Variants in FCHO2 observed in about 807,000 individuals in gnomAD.
FCHO2 encodes FCH and mu domain containing endocytic adaptor 2.
A neutral mutation model predicts 114.1 loss-of-function variants in FCHO2; 43 were observed. The observed-to-expected ratio is 0.38, with a 90% CI of 0.30 to 0.49. The LOEUF (loss-of-function observed/expected upper bound fraction) is 0.49. Among genes scored for constraint, FCHO2 ranks in the 20% least tolerant of loss-of-function variants. The pLI is 0.97. For missense variants in FCHO2, 807 were observed against 950.4 expected (o/e 0.85, Z 1.98); for synonymous variants, 293 against 315.2 (o/e 0.93, Z 0.75).
intron 2 of FCHO2, among the ~76,000 whole-genome samples, chr5:72,980,056 C>A (rs1753116235): frequency 6.6e-6 from 1 of 152,170 alleles, no homozygotes; most frequent in Non-Finnish European, 1.5e-5. Flanking sequence ...AATTTTAGAT[C>A]TTTCCTGCTT....
intron 8 of FCHO2, among the ~76,000 whole-genome samples, chr5:73,033,936 A>G (rs1468636479): frequency 6.6e-6 from 1 of 152,168 alleles, no homozygotes; most frequent in African/African-American, 2.4e-5. Flanking sequence ...CTCTTCTACA[A>G]TCTATCTCTC....
chr5:73,025,265 A>G lies in FCHO2; in HGVS notation c.796+7957A>G, dbSNP rs140046261. Among the ~76,000 whole-genome samples the G allele has an allele frequency of 3.7e-3, 546 of 149,126 alleles. 5 individuals are homozygous for G. The highest frequency in any genetic ancestry group is 0.013 in the African/African-American group (527 of 40,446). ...CACTTGTTGCCCAGGCTGGAGTGCA[A>G]TGGCACAATCTCAGCTCACTGCAGT... On this transcript the variant is annotated intron_variant, in intron 8 of 25. Coordinates refer to ENST00000430046, the MANE Select transcript of FCHO2 (RefSeq NM_138782.3).
intron 3 of FCHO2, 146 bp downstream of exon 3, chr5:72,989,647 C>G: frequency 1.7e-6 from 1 of 573,322 alleles, no homozygotes; most frequent in Non-Finnish European, 3.0e-6. Flanking sequence ...ATATTCTTCA[C>G]TTGATAGAAA....
At chr5:73,056,708 A>G (rs778481702) in intron 16 of FCHO2, among the ~76,000 whole-genome samples, 22 of 152,192 alleles carry the variant, frequency 1.4e-4, no homozygotes, top group Non-Finnish European at 2.6e-4. Context: ...CTAAATTCAT[A>G]CATATCTGTA....
Position 73,063,917 on chromosome 5 carries a change from A to T in FCHO2, c.1422A>T (p.Ser474=). 6.2e-7 allele frequency: 1 copy of T among 1,611,230 alleles called. No homozygotes were observed. Among genetic ancestry groups the T allele is most frequent in the Non-Finnish European group, 8.5e-7 (1 of 1,178,518 alleles). Reference sequence around the variant, plus strand: ...CTGCTTCCAGACCAAAGCTTACTTCAGGCAAACTCAGTGGGATTAATGAAA... The same window carrying T: ...CTGCTTCCAGACCAAAGCTTACTTCTGGCAAACTCAGTGGGATTAATGAAA... ...PRPASRPKLT[S]GKLSGINEIP... is the part of the protein sequence containing the mutation. Residue 474 remains serine, a synonymous_variant, in exon 18 of 26, where the codon TCA becomes TCT. Coordinates refer to ENST00000430046, the MANE Select transcript of FCHO2 (RefSeq NM_138782.3).
chr5:73,058,596 T>C lies in FCHO2; in HGVS notation c.1345+72T>C. Reference sequence around the variant, plus strand: ...TTAGTTGCTTTTTCTCATTCACTTTTTGTGCATTGTACTTAATGATCAAAA... The same window carrying C: ...TTAGTTGCTTTTTCTCATTCACTTTCTGTGCATTGTACTTAATGATCAAAA... On this transcript the variant is annotated intron_variant, in intron 17 of 25. Coordinates refer to ENST00000430046, the MANE Select transcript of FCHO2 (RefSeq NM_138782.3). 4.6e-6 allele frequency: 3 copies of C among 649,534 alleles called. No homozygotes were observed. The East Asian group carries it at 9.6e-5, about 21-fold the overall frequency. The allele number at this position is 649,534 out of a possible 1,614,324, so 40.2% of individuals were successfully genotyped here. A position where few individuals can be genotyped will look rare whatever the true frequency, so the allele number is the denominator to read the frequency against.
chr5:72,973,681 G>T (rs1190061377), intron 2 of FCHO2, among the ~76,000 whole-genome samples: 1 of 149,536 alleles, frequency 6.7e-6, no homozygotes, highest in African/African-American at 2.4e-5. Flanking sequence ...TTTTTGAAGG[G>T]TTTTTTGTGT....
intron 20 of FCHO2, among the ~76,000 whole-genome samples, chr5:73,076,087 A>G (rs1397553658): frequency 6.6e-6 from 1 of 152,176 alleles, no homozygotes; most frequent in Non-Finnish European, 1.5e-5. Context: ...GCAAGCAGCA[A>G]GAGAGGTGAG....
intron 15 of FCHO2, among the ~76,000 whole-genome samples, chr5:73,055,440 C>T (rs1757546826): frequency 6.6e-6 from 1 of 152,108 alleles, no homozygotes; most frequent in African/African-American, 2.4e-5. Flanking sequence ...CTTGGTGATG[C>T]AAAGAAAACA....
At chr5:73,053,402 T>C (rs1757422779) in intron 13 of FCHO2, among the ~76,000 whole-genome samples, 1 of 152,030 alleles carries the variant, frequency 6.6e-6, no homozygotes, top group East Asian at 1.9e-4. Context: ...GCTTAAAAGT[T>C]GGTGAATATA....
chr5:73,085,068 A>G (rs902162951), intron 24 of FCHO2, among the ~76,000 whole-genome samples: 2 of 152,254 alleles, frequency 1.3e-5, no homozygotes, highest in Non-Finnish European at 2.9e-5. Context: ...AATAAGACAC[A>G]GGCTGGGTGC....
chr5:72,982,829 T>C (rs1308224447), intron 2 of FCHO2, among the ~76,000 whole-genome samples: 2 of 14,344 alleles, frequency 1.4e-4, no homozygotes, highest in East Asian at 8.0e-3. Context: ...TGGATTCATT[T>C]TTTTTTTTTT....
chr5:73,071,593 CT>C (rs1742656847), intron 19 of FCHO2, among the ~76,000 whole-genome samples: 1 of 152,024 alleles, frequency 6.6e-6, no homozygotes, highest in South Asian at 2.1e-4. Context: ...AAACCACAAT[CT>C]ACCCTTATTA....
At chr5:73,075,938 G>A (rs1742888977) in intron 20 of FCHO2, among the ~76,000 whole-genome samples, 1 of 152,136 alleles carries the variant, frequency 6.6e-6, no homozygotes, top group South Asian at 2.1e-4. Context: ...ACTTGGTAGT[G>A]TAATTAGTTT....
chr5:73,022,124 G>C (rs754985549), intron 8 of FCHO2, among the ~76,000 whole-genome samples: 3 of 152,166 alleles, frequency 2.0e-5, no homozygotes, highest in Non-Finnish European at 2.9e-5. Context: ...ACTAAGTGTA[G>C]ATATGTTGAC....
At chr5:72,987,582 C>T (rs1753601657) in intron 2 of FCHO2, among the ~76,000 whole-genome samples, 2 of 152,058 alleles carry the variant, frequency 1.3e-5, no homozygotes, top group African/African-American at 4.8e-5. Flanking sequence ...AGGTGATCTG[C>T]CAGCCTCGGC....
intron 24 of FCHO2, among the ~76,000 whole-genome samples, chr5:73,086,022 T>C (rs1294221336): frequency 6.6e-6 from 1 of 151,466 alleles, no homozygotes. Context: ...CTCAGGAGGC[T>C]GAGGCAGGAG....
At chr5:73,027,018 G>GTTTTT (rs1369730233) in intron 8 of FCHO2, among the ~76,000 whole-genome samples, 21 of 107,082 alleles carry the variant, frequency 2.0e-4, no homozygotes, top group African/African-American at 3.1e-4. Context: ...TTGTTTGTTT[G>GTTTTT]TTTTTTTTTT....
Position 73,014,450 on chromosome 5 carries a change from G to A in FCHO2, c.601-1176G>A, listed in dbSNP as rs1256061256. Among the ~76,000 whole-genome samples the A allele has an allele frequency of 7.9e-5, 12 of 151,666 alleles. No homozygotes were observed. The Middle Eastern group carries it at 0.01, about 129-fold the overall frequency. On this transcript the variant is annotated intron_variant, in intron 6 of 25. Coordinates refer to ENST00000430046, the MANE Select transcript of FCHO2 (RefSeq NM_138782.3). Reference sequence around the variant, plus strand: ...ATTACAGGCACGCGCCACCACGCCTGGCTAATTTTTTGTATTTTGAGTAGA... The same window carrying A: ...ATTACAGGCACGCGCCACCACGCCTAGCTAATTTTTTGTATTTTGAGTAGA...
Sources: gnomAD v4.1 joint callset for allele counts (sites outside exome capture counted in the v4.1 genomes callset) on GRCh38, gnomAD v4.1.1 for gene constraint, MANE v1.5 for transcripts, NCBI Gene and HGNC (gene_info 2026-07-23, HGNC 2026-07-21) for gene names.